The following DGKB variants were observed in gnomAD, a reference collection of about 807,000 sequenced individuals.
DGKB encodes the protein diacylglycerol kinase beta.
DGKB carries 67 observed loss-of-function variants against 114.3 expected under a neutral mutation model. The observed-to-expected ratio is 0.59, with a 90% CI of 0.48 to 0.72. The LOEUF is 0.72. Among genes scored for constraint, DGKB ranks in the 30% least tolerant of loss-of-function variants. The pLI, the probability that DGKB is intolerant of heterozygous loss-of-function variation, is 0.00. For missense variants in DGKB, 907 were observed against 975.2 expected, an observed-to-expected ratio of 0.93 and a Z score of 0.93; for synonymous variants, 398 against 323.1, an observed-to-expected ratio of 1.23 and a Z score of -2.49.
rs1852821883 is a variant in DGKB at position 14,873,683 on chromosome 7, CAAT to C, written c.-188+28906_-188+28908del. On this transcript the variant is annotated intron_variant, in intron 1 of 25. Coordinates refer to ENST00000402815, the MANE Select transcript of DGKB (RefSeq NM_001350709.2). ...CACATACATATGTATGCACATTTTT[CAAT>C]AATATGTACATACACAACAATTTAT... Among the ~76,000 whole-genome samples the C allele has an allele frequency of 2.6e-5, 4 of 151,908 alleles. No homozygotes were observed. In the South Asian group the frequency reaches 8.3e-4, roughly 32 times the overall value.
chr7:14,526,106 A>C (rs1172884777), intron 20 of DGKB, among the ~76,000 whole-genome samples: 1 of 152,202 alleles, frequency 6.6e-6, no homozygotes, highest in Non-Finnish European at 1.5e-5. Context: ...TGGTTTAAAT[A>C]ATTTCAAGGA....
At position 14,376,862 on chromosome 7, in the gene DGKB, C is replaced by G. The variant is rs796111688; in HGVS notation, c.1836-31471G>C. ...TCTTGTTCCTCGAAGCAGAAGTAAGCTTTTCTATAAAGGACCCAACTTGAA... is the reference window on the plus strand; with the variant it reads ...TCTTGTTCCTCGAAGCAGAAGTAAGGTTTTCTATAAAGGACCCAACTTGAA... On this transcript the variant is annotated intron_variant, in intron 21 of 25. Transcript: ENST00000402815. Among the ~76,000 whole-genome samples the G allele has an allele frequency of 3.3e-5, 5 of 152,248 alleles. No homozygotes were observed. The East Asian group carries it at 7.7e-4, about 23-fold the overall frequency.
At chr7:14,773,761 C>T (rs1837750205) in intron 2 of DGKB, among the ~76,000 whole-genome samples, 1 of 152,030 alleles carries the variant, frequency 6.6e-6, no homozygotes, top group Admixed American at 6.6e-5. Flanking sequence ...GCTGAGATCA[C>T]CAGGACATGT....
At chr7:14,967,256 CA>C (rs1442647094) in intron 1 of DGKB, among the ~76,000 whole-genome samples, 2 of 152,112 alleles carry the variant, frequency 1.3e-5, no homozygotes, top group Non-Finnish European at 2.9e-5. Flanking sequence ...AGAATGCAAA[CA>C]AACTATTTCA....
intron 20 of DGKB, among the ~76,000 whole-genome samples, chr7:14,564,550 T>C (rs1054245916): frequency 6.6e-6 from 1 of 152,188 alleles, no homozygotes; most frequent in Non-Finnish European, 1.5e-5. Flanking sequence ...TAGGTCTTCC[T>C]AGTCTGCCAT....
rs747793056 is a variant in DGKB, at chr7:14,630,237, T to G, written c.1166A>C (p.Glu389Ala). The change falls in exon 14 of 26, where the codon GAG (glutamate) becomes GCG (alanine). Residue 389 changes from glutamate (E) to alanine (A), a missense_variant and splice_region_variant. Glu to Ala is a moderately radical substitution (Grantham distance 107). Transcript: ENST00000402815. ...GAAAACCTGTTTTTGCTTACGCACC[T>G]CAGGAACTGAAACTCCTGAAGTGGG... ...TLPTSGVSVP[E>A]ERQSTVKKEK... 1.3e-6 allele frequency: 2 copies of G among 1,554,590 alleles called. No homozygotes were observed. The highest frequency in any genetic ancestry group is 1.7e-6 in the Non-Finnish European group (2 of 1,149,178).
rs751491014 is a variant in DGKB, at chr7:14,875,292, G to A, written c.-188+27300C>T. Among the ~76,000 whole-genome samples the A allele has an allele frequency of 7.9e-5, 12 of 152,020 alleles. 1 individual carries two copies. The highest frequency in any genetic ancestry group is 4.1e-4 in the South Asian group (2 of 4,824). ...CCACCTGGCTGTTTCTAACATCCTC[G>A]TTGACTGCCGAATGCTATTTTGTTT... is the stretch of plus-strand genomic sequence containing the variant. On this transcript the variant is annotated intron_variant, in intron 1 of 25. Coordinates refer to ENST00000402815, the MANE Select transcript of DGKB (RefSeq NM_001350709.2).
At chr7:14,822,292 A>T (rs1845055774) in intron 2 of DGKB, among the ~76,000 whole-genome samples, 1 of 152,184 alleles carries the variant, frequency 6.6e-6, no homozygotes, top group South Asian at 2.1e-4. Flanking sequence ...AGATGATCAC[A>T]GAGGAAATGA....
chr7:14,363,364 G>A (rs928127506), intron 21 of DGKB, among the ~76,000 whole-genome samples: 36 of 152,028 alleles, frequency 2.4e-4, no homozygotes, highest in Admixed American at 4.6e-4. Flanking sequence ...GAAAAGACAC[G>A]AACTGTTCAA....
chr7:14,273,976 T>G (rs1393301804), intron 23 of DGKB, among the ~76,000 whole-genome samples: 1 of 152,212 alleles, frequency 6.6e-6, no homozygotes, highest in East Asian at 1.9e-4. Flanking sequence ...TTTAAATTAT[T>G]AGAAACATAT....
At chr7:14,777,292 G>A (rs1234661299) in intron 2 of DGKB, among the ~76,000 whole-genome samples, 1 of 152,106 alleles carries the variant, frequency 6.6e-6, no homozygotes, top group Non-Finnish European at 1.5e-5. Context: ...AATGAGTTAA[G>A]ACTTTGGGGG....
intron 14 of DGKB, among the ~76,000 whole-genome samples, chr7:14,624,873 C>A (rs1808295841): frequency 6.6e-6 from 1 of 151,890 alleles, no homozygotes; most frequent in Non-Finnish European, 1.5e-5. Flanking sequence ...GTGGTGGACA[C>A]CTGTGGTCCC....
At chr7:14,806,460 T>C (rs1842805955) in intron 2 of DGKB, among the ~76,000 whole-genome samples, 1 of 152,100 alleles carries the variant, frequency 6.6e-6, no homozygotes, top group Admixed American at 6.6e-5. Flanking sequence ...GTGATGTAAA[T>C]ATGTAATTTC....
At chr7:14,208,885 GTTT>G (rs10566891) in intron 23 of DGKB, among the ~76,000 whole-genome samples, 65,692 of 145,876 alleles carry the variant, frequency 0.45, 16,664 homozygotes, top group African/African-American at 0.71. Context: ...GAAATAGCTA[GTTT>G]TTTTTTTTTT....
At chr7:14,449,335 A>C (rs1415836947) in intron 21 of DGKB, among the ~76,000 whole-genome samples, 3 of 151,860 alleles carry the variant, frequency 2.0e-5, no homozygotes. Flanking sequence ...GTACCTTTGC[A>C]TTTTACTGAT....
chr7:14,784,478 C>T (rs73276067), intron 2 of DGKB, among the ~76,000 whole-genome samples: 2,741 of 151,068 alleles, frequency 0.018, 58 homozygotes, highest in African/African-American at 0.058. Context: ...CAGGTTCAAG[C>T]GATTCTCCCA....
intron 13 of DGKB, 49 bp downstream of exon 13, chr7:14,672,880 T>A (rs767764083): frequency 1.8e-6 from 2 of 1,127,902 alleles, no homozygotes; most frequent in Non-Finnish European, 2.6e-6. Flanking sequence ...ACGATACTGA[T>A]AAGTCACAGC....
intron 1 of DGKB, among the ~76,000 whole-genome samples, chr7:14,958,426 A>AC (rs1786641254): frequency 8.1e-6 from 1 of 122,816 alleles, no homozygotes; most frequent in Admixed American, 8.4e-5. Context: ...TACCTCTCCC[A>AC]ACACACACAC....
chr7:14,677,033 G>A (rs1819987407), intron 12 of DGKB, among the ~76,000 whole-genome samples: 1 of 151,890 alleles, frequency 6.6e-6, no homozygotes, highest in African/African-American at 2.4e-5. Flanking sequence ...TTTCCTGGAA[G>A]TGAATTAAAC....
Sources: gnomAD v4.1 joint callset for allele counts (sites outside exome capture counted in the v4.1 genomes callset) on GRCh38, gnomAD v4.1.1 for gene constraint, MANE v1.5 for transcripts, NCBI Gene and HGNC (gene_info 2026-07-23, HGNC 2026-07-21) for gene names.